Variants in TMEM114 observed in about 807,000 individuals in gnomAD.
TMEM114 encodes transmembrane protein 114, also known as claudin-26.
TMEM114 carries 6 observed loss-of-function variants against 6.2 expected under a neutral mutation model. The ratio of observed to expected loss-of-function variants is 0.97; its 90% CI spans 0.53 to 1.91. The LOEUF is 1.91. Among genes scored for constraint, TMEM114 ranks in the 40% most tolerant of loss-of-function variants. The pLI is 0.01. For synonymous variants in TMEM114, 104 were observed against 73.0 expected, an observed-to-expected ratio of 1.42 and a Z score of -2.16; for missense variants, 218 against 158.3, an observed-to-expected ratio of 1.38 and a Z score of -2.02.
chr16:8,588,896 G>C (rs1191257659), intron 2 of TMEM114, among the ~76,000 whole-genome samples: 1 of 152,194 alleles, frequency 6.6e-6, no homozygotes, highest in Non-Finnish European at 1.5e-5. Flanking sequence ...CTCTAACTGC[G>C]CGTCTCCACA....
chr16:8,566,204 A>C (rs541599574), downstream of TMEM114, among the ~76,000 whole-genome samples: 28 of 152,242 alleles, frequency 1.8e-4, no homozygotes, highest in South Asian at 5.6e-3. Context: ...CCGCATTTCT[A>C]CTAAAAATAC....
intron 2 of TMEM114, among the ~76,000 whole-genome samples, chr16:8,554,254 T>TC (rs1374893435): frequency 8.1e-6 from 1 of 122,988 alleles, no homozygotes; most frequent in East Asian, 2.7e-4. Context: ...TCATGTGATT[T>TC]CAGGGAAAAA....
At chr16:8,530,885 T>C in the TMEM114 span, among the ~76,000 whole-genome samples, 15 of 151,280 alleles carry the variant, frequency 9.9e-5, no homozygotes, top group Non-Finnish European at 1.8e-4. Flanking sequence ...ATTAGCAGGG[T>C]GTGGTGGCAT....
At position 8,538,716 on chromosome 16, in the gene TMEM114, C is replaced by T. The variant is rs144305856; in HGVS notation, n.213-890G>A. 4.1e-3 allele frequency among the ~76,000 whole-genome samples: 621 copies of T among 152,180 alleles called. 7 individuals are homozygous for T. The highest frequency in any genetic ancestry group is 0.015 in the African/African-American group (604 of 41,514). Reference sequence around the variant, plus strand: ...AGAGATGGGGTTTCACCCTGTTAGCCAGGATGGTGTCGATCTCCTGACCTC... The same window carrying T: ...AGAGATGGGGTTTCACCCTGTTAGCTAGGATGGTGTCGATCTCCTGACCTC... On this transcript the variant is annotated intron_variant and non_coding_transcript_variant, in intron 2 of 2. Transcript: ENST00000623677.
intron 2 of TMEM114, among the ~76,000 whole-genome samples, chr16:8,548,464 G>A (rs1435915523): frequency 6.6e-6 from 1 of 152,012 alleles, no homozygotes; most frequent in African/African-American, 2.4e-5. Flanking sequence ...TCCCTGATGA[G>A]TCTTTTAAAC....
intron 2 of TMEM114, among the ~76,000 whole-genome samples, chr16:8,539,845 T>A (rs1375138844): frequency 1.3e-5 from 2 of 151,836 alleles, no homozygotes; most frequent in Non-Finnish European, 2.9e-5. Context: ...TTACACAGAG[T>A]CTCGCTCTGC....
rs1049290776 is a variant in TMEM114, at chr16:8,572,168, C to T, written c.358G>A (p.Gly120Arg). The T allele has an allele frequency of 1.9e-6, 3 of 1,551,476 alleles. No homozygotes were observed. Among genetic ancestry groups the T allele is most frequent in the East Asian group, 2.4e-5 (1 of 40,920 alleles). ...AAGCTCAGAAACCCCGTCATCCCCC[C>T]AAAAACCATCAGGATCAGGCTGAGC... Reference protein sequence around the residue: ...LPLSLILMVFGGMTGFLSFLL... With the variant: ...LPLSLILMVFRGMTGFLSFLL... Residue 120 changes from glycine (G) to arginine (R), a missense_variant, in exon 3 of 4, where the codon GGG becomes AGG. Coordinates refer to ENST00000620492, the MANE Select transcript of TMEM114 (RefSeq NM_001146336.2).
intron 2 of TMEM114, among the ~76,000 whole-genome samples, chr16:8,564,044 A>C (rs1238169025): frequency 2.6e-5 from 4 of 151,284 alleles, no homozygotes; most frequent in Non-Finnish European, 5.9e-5. Flanking sequence ...TGACTGAATG[A>C]GTGAGTGAAT....
chr16:8,567,788 C>T (rs1482645596), downstream of TMEM114, among the ~76,000 whole-genome samples: 1 of 152,184 alleles, frequency 6.6e-6, no homozygotes, highest in Non-Finnish European at 1.5e-5. Flanking sequence ...CAAATCCTGC[C>T]TCTGGAGCAG....
In TMEM114 at chr16:8,572,143, A is replaced by G. The variant is rs1293066814; in HGVS notation, c.383T>C (p.Phe128Ser). ...GAGGAGGAGGTAGGCTTGGAGGAGGAAGCTCAGAAACCCCGTCATCCCCCC... is the reference window on the plus strand; with the variant it reads ...GAGGAGGAGGTAGGCTTGGAGGAGGGAGCTCAGAAACCCCGTCATCCCCCC... The part of the protein sequence containing the change: ...VFGGMTGFLS[F>S]LLQAYLLLLL... Residue 128 changes from phenylalanine to serine, a missense_variant, in exon 3 of 4, where the codon TTC (phenylalanine) becomes TCC (serine). Coordinates refer to ENST00000620492, the MANE Select transcript of TMEM114 (RefSeq NM_001146336.2). 2 of 1,551,612 alleles carry G rather than the reference A, an allele frequency of 1.3e-6. No homozygotes were observed. The highest frequency in any genetic ancestry group is 1.2e-5 in the South Asian group (1 of 84,044).
At position 8,572,139 on chromosome 16, in the gene TMEM114, G is replaced by A; in HGVS notation, c.387C>T (p.Leu129=). The A allele has an allele frequency of 1.3e-6, 2 of 1,551,600 alleles. No homozygotes were observed. Among genetic ancestry groups the A allele is most frequent in the South Asian group, 1.2e-5 (1 of 84,038 alleles). ...FGGMTGFLSF[L]LQAYLLLLLT... is the part of the protein sequence containing the mutation. Reference sequence around the variant, plus strand: ...GCAGGAGGAGGAGGTAGGCTTGGAGGAGGAAGCTCAGAAACCCCGTCATCC... The same window carrying A: ...GCAGGAGGAGGAGGTAGGCTTGGAGAAGGAAGCTCAGAAACCCCGTCATCC... Residue 129 remains leucine, a synonymous_variant, in exon 3 of 4, where the codon CTC becomes CTT. Transcript: ENST00000620492.
At chr16:8,531,677 G>T in the TMEM114 span, among the ~76,000 whole-genome samples, 1 of 152,328 alleles carries the variant, frequency 6.6e-6, no homozygotes, top group Non-Finnish European at 1.5e-5. Context: ...ACTCAATGAA[G>T]TGACCAGTGT....
the TMEM114 span, among the ~76,000 whole-genome samples, chr16:8,531,009 G>C: frequency 6.6e-6 from 1 of 152,074 alleles, no homozygotes; most frequent in Admixed American, 6.6e-5. Context: ...AAGCAGCAGA[G>C]TGAGACTCTG....
intron 2 of TMEM114, among the ~76,000 whole-genome samples, chr16:8,581,598 C>T (rs200393093): frequency 6.6e-5 from 10 of 152,162 alleles, no homozygotes; most frequent in East Asian, 1.9e-4. Flanking sequence ...GGACTACAGG[C>T]GCATGCCACC....
At position 8,569,641 on chromosome 16, in the gene TMEM114, G is replaced by A. The variant is rs114079952; in HGVS notation, c.*132C>T. 2 of 1,439,162 alleles carry A rather than the reference G, an allele frequency of 1.4e-6. No homozygotes were observed. The highest frequency in any genetic ancestry group is 2.5e-5 in the East Asian group (1 of 40,042). 89.1% of individuals were successfully genotyped at this position (1,439,162 alleles called of 1,614,324 possible). ...CCCCAAGCTTAGTCCGCGGGGATTT[G>A]TGGGGGAAGGAGGGGGGTGCCTGGC... On this transcript the variant is annotated 3_prime_UTR_variant, in exon 4 of 4. Coordinates refer to ENST00000620492, the MANE Select transcript of TMEM114 (RefSeq NM_001146336.2).
chr16:8,568,040 G>A (rs1901603527), downstream of TMEM114, among the ~76,000 whole-genome samples: 1 of 152,202 alleles, frequency 6.6e-6, no homozygotes, highest in African/African-American at 2.4e-5. Context: ...GTTGGTGGAA[G>A]TAGGGGGAGG....
chr16:8,583,933 C>T (rs1465404588), intron 2 of TMEM114, among the ~76,000 whole-genome samples: 2 of 152,184 alleles, frequency 1.3e-5, no homozygotes, highest in Non-Finnish European at 2.9e-5. Flanking sequence ...ACTCCAGTTA[C>T]AAGTGGGCAC....
chr16:8,536,385 C>G (rs1392721625), downstream of TMEM114, among the ~76,000 whole-genome samples: 2 of 152,196 alleles, frequency 1.3e-5, no homozygotes, highest in Non-Finnish European at 2.9e-5. Flanking sequence ...ACCTTGACGT[C>G]TTCTTCGGGA....
chr16:8,546,709 A>G lies in TMEM114; in HGVS notation n.213-8883T>C, dbSNP rs376096285. 3.0e-4 allele frequency among the ~76,000 whole-genome samples: 45 copies of G among 152,340 alleles called. 1 individual carries two copies. The South Asian group carries it at 9.3e-3, about 32-fold the overall frequency. On this transcript the variant is annotated intron_variant and non_coding_transcript_variant, in intron 2 of 2. Coordinates refer to the TMEM114 transcript ENST00000623677. ...TAACCAGATACCCCTACCAGATCAC[A>G]GCAGATGACCACTTGTAATTATCCC...
Sources: allele counts gnomAD v4.1 joint callset (sites outside exome capture counted in the v4.1 genomes callset), GRCh38; gene constraint gnomAD v4.1.1; transcripts MANE v1.5; gene names NCBI Gene and HGNC (gene_info 2026-07-23, HGNC 2026-07-21).